Variants in SNX29 observed in about 807,000 individuals in gnomAD.
SNX29 encodes the protein sorting nexin-29.
A neutral mutation model predicts 102.1 loss-of-function variants in SNX29; 78 were observed. The observed-to-expected ratio is 0.76, with a 90% CI of 0.64 to 0.92. SNX29 has a LOEUF of 0.92. SNX29 is among the 40% of genes least tolerant of loss of function. SNX29 has a pLI of 0.00. For missense variants in SNX29, 1,280 were observed against 1,061.7 expected (o/e 1.21, Z -2.86); for synonymous variants, 580 against 414.5 (o/e 1.40, Z -4.85).
intron 3 of SNX29, among the ~76,000 whole-genome samples, chr16:12,010,092 GT>G (rs2056597230): frequency 6.6e-6 from 1 of 152,206 alleles, no homozygotes; most frequent in African/African-American, 2.4e-5. Flanking sequence ...TCTGAAATGG[GT>G]AGTATAATGG....
intron 1 of SNX29, among the ~76,000 whole-genome samples, chr16:11,978,563 T>G (rs1023110901): frequency 1.3e-5 from 2 of 152,088 alleles, no homozygotes. Context: ...CTGCAAGAGC[T>G]CATGTGGGGT....
chr16:12,228,708 C>T (rs988227402), intron 14 of SNX29, among the ~76,000 whole-genome samples: 1 of 152,232 alleles, frequency 6.6e-6, no homozygotes, highest in African/African-American at 2.4e-5. Context: ...TGTATCACCT[C>T]ATTTCAGTTC....
At chr16:12,091,333 C>T (rs879246247) in intron 11 of SNX29, among the ~76,000 whole-genome samples, 3 of 152,164 alleles carry the variant, frequency 2.0e-5, no homozygotes, top group Admixed American at 2.0e-4. Context: ...ACCCAGGTCT[C>T]AGGATGTCCC....
Position 12,478,047 on chromosome 16 carries a change from A to G in SNX29, c.2178+188A>G, listed in dbSNP as rs184392549. On this transcript the variant is annotated intron_variant, in intron 19 of 20. Transcript: ENST00000566228. ...ACCTAAAGATGGTCACCATTACGTC[A>G]TGTGTGTGTGTATGTCCTCTTATTT... Among the ~76,000 whole-genome samples the G allele has an allele frequency of 2.9e-3, 447 of 152,344 alleles. 1 individual carries two copies. Among genetic ancestry groups the G allele is most frequent in the African/African-American group, 6.5e-3 (270 of 41,570 alleles).
rs1404014764 is a variant in SNX29, at chr16:12,387,350, C to G, written c.1900-11096C>G. On this transcript the variant is annotated intron_variant, in intron 16 of 20. Coordinates refer to ENST00000566228, the MANE Select transcript of SNX29 (RefSeq NM_032167.5). ...GCCCCATTCTTCCCAGGGCTGCAGT[C>G]TACTGGTCTACTTGGGATAGCACTC... 4.6e-5 allele frequency among the ~76,000 whole-genome samples: 7 copies of G among 151,918 alleles called. No individual in the cohort carries two copies. The East Asian group carries it at 7.7e-4, about 17-fold the overall frequency.
chr16:12,301,171 C>G (rs578040156), intron 15 of SNX29, among the ~76,000 whole-genome samples: 2 of 152,334 alleles, frequency 1.3e-5, no homozygotes, highest in African/African-American at 4.8e-5. Flanking sequence ...TCTAAAATAT[C>G]TCATAAAGCC....
chr16:12,474,496 C>T (rs752219253), intron 18 of SNX29, among the ~76,000 whole-genome samples: 1 of 151,928 alleles, frequency 6.6e-6, no homozygotes, highest in Admixed American at 6.6e-5. Flanking sequence ...GAGGAGGTGC[C>T]CATGTGGAAG....
intron 3 of SNX29, among the ~76,000 whole-genome samples, chr16:12,022,171 AT>A (rs572266609): frequency 5.9e-4 from 63 of 106,674 alleles, no homozygotes; most frequent in South Asian, 1.6e-3. Flanking sequence ...CAATTCAGTG[AT>A]TTTTTTTTTT....
chr16:12,538,932 G>A (rs894701454), intron 20 of SNX29, among the ~76,000 whole-genome samples: 8 of 152,128 alleles, frequency 5.3e-5, no homozygotes, highest in African/African-American at 1.9e-4. Context: ...GGTGGCTGTG[G>A]GCATGTAGCA....
At chr16:12,304,246 T>C (rs1463629116) in intron 15 of SNX29, among the ~76,000 whole-genome samples, 1 of 151,520 alleles carries the variant, frequency 6.6e-6, no homozygotes, top group Admixed American at 6.6e-5. Context: ...TTAGCAAAAG[T>C]GGAGACCTTG....
In SNX29 at chr16:12,048,548, G is replaced by A; in HGVS notation, c.676G>A (p.Ala226Thr). The A allele has an allele frequency of 2.5e-6, 4 of 1,613,940 alleles. No homozygotes were observed. The highest frequency in any genetic ancestry group is 3.4e-6 in the Non-Finnish European group (4 of 1,179,858). Reference protein sequence around the residue: ...SLFREITASSAVSILIKPEQE... With the variant: ...SLFREITASSTVSILIKPEQE... ...GTTCAGGGAGATCACAGCCTCCTCTGCCGTCTCCATCCTCATCAAACCTGA... is the reference window on the plus strand; with the variant it reads ...GTTCAGGGAGATCACAGCCTCCTCTACCGTCTCCATCCTCATCAAACCTGA... The change falls in exon 7 of 21, where the codon GCC becomes ACC. Residue 226 changes from alanine (A) to threonine (T), a missense_variant. Coordinates refer to ENST00000566228, the MANE Select transcript of SNX29 (RefSeq NM_032167.5).
intron 19 of SNX29, among the ~76,000 whole-genome samples, chr16:12,507,666 A>T (rs148023075): frequency 2.6e-5 from 4 of 152,268 alleles, no homozygotes; most frequent in African/African-American, 7.2e-5. Flanking sequence ...AGCTGGAATG[A>T]TTCCTTTTTC....
intron 19 of SNX29, among the ~76,000 whole-genome samples, chr16:12,494,092 G>A (rs1269703639): frequency 6.6e-6 from 1 of 152,104 alleles, no homozygotes; most frequent in Non-Finnish European, 1.5e-5. Context: ...CAAAGATAGA[G>A]CTCCCAGTGC....
chr16:12,118,789 C>T lies in SNX29; in HGVS notation c.1403-7844C>T, dbSNP rs752143738. Among the ~76,000 whole-genome samples, 82 of 152,116 alleles carry T rather than the reference C, an allele frequency of 5.4e-4. 2 individuals carry two copies. Among genetic ancestry groups the T allele is most frequent in the Non-Finnish European group, 5.7e-4 (39 of 68,020 alleles). On this transcript the variant is annotated intron_variant, in intron 11 of 20. Coordinates refer to ENST00000566228, the MANE Select transcript of SNX29 (RefSeq NM_032167.5). Reference sequence around the variant, plus strand: ...GTGGGACAGGCAGGGTAGGGATGCTCGGACTGTCTGTGGTCTCTGATTTAG... The same window carrying T: ...GTGGGACAGGCAGGGTAGGGATGCTTGGACTGTCTGTGGTCTCTGATTTAG...
At chr16:12,300,192 T>C (rs540776553) in intron 15 of SNX29, among the ~76,000 whole-genome samples, 1 of 152,342 alleles carries the variant, frequency 6.6e-6, no homozygotes, top group South Asian at 2.1e-4. Context: ...CAATTTCTTA[T>C]GAGGTTTTGC....
chr16:12,541,140 C>G (rs1003556721), intron 20 of SNX29, among the ~76,000 whole-genome samples: 18 of 152,170 alleles, frequency 1.2e-4, no homozygotes, highest in African/African-American at 4.3e-4. Context: ...GGGGAGGTGA[C>G]CTTACTACAT....
chr16:12,286,483 C>G (rs932925942), intron 15 of SNX29, among the ~76,000 whole-genome samples: 1 of 151,326 alleles, frequency 6.6e-6, no homozygotes, highest in Admixed American at 6.6e-5. Context: ...GTAGCTGGGA[C>G]TACAGGCCCC....
chr16:12,409,421 C>CTTTTTTTT (rs71139589), intron 18 of SNX29, among the ~76,000 whole-genome samples: 4 of 89,638 alleles, frequency 4.5e-5, no homozygotes, highest in African/African-American at 4.5e-5. Context: ...GATTCACTGT[C>CTTTTTTTT]TTTTTTTTTT....
Position 12,183,427 on chromosome 16 carries a change from A to G in SNX29, c.1596-16174A>G, listed in dbSNP as rs548174793. 6.5e-4 allele frequency among the ~76,000 whole-genome samples: 99 copies of G among 151,826 alleles called. No individual in the cohort carries two copies. The Middle Eastern group carries it at 0.01, about 16-fold the overall frequency. The stretch of plus-strand genomic sequence containing the variant: ...TAGATTTACCAACTTTTTTTTTTGC[A>G]TATTTCTCAGTGTTTTTCTAAATAA... On this transcript the variant is annotated intron_variant, in intron 13 of 20. Transcript: ENST00000566228.
Sources: allele counts gnomAD v4.1 joint callset (sites outside exome capture counted in the v4.1 genomes callset), GRCh38; gene constraint gnomAD v4.1.1; transcripts MANE v1.5; gene names NCBI Gene and HGNC (gene_info 2026-07-23, HGNC 2026-07-21).